Variants in CA10 observed in about 807,000 individuals in gnomAD.
CA10 encodes carbonic anhydrase-related protein 10.
Under a neutral mutation model 44.2 loss-of-function variants are expected in CA10, and 14 were observed. The ratio of observed to expected loss-of-function variants is 0.32; its 90% CI spans 0.21 to 0.50. The LOEUF is 0.50. Among genes scored for constraint, CA10 ranks in the 20% least tolerant of loss-of-function variants. The probability of loss-of-function intolerance (pLI) is 0.99; values close to 1 mark genes in which losing one functional copy is unlikely to be tolerated. For missense variants in CA10, 350 were observed against 409.7 expected (o/e 0.85, Z 1.26); for synonymous variants, 159 against 141.6 (o/e 1.12, Z -0.87).
intron 3 of CA10, among the ~76,000 whole-genome samples, chr17:51,829,539 G>A (rs1324181905): frequency 6.6e-6 from 1 of 152,156 alleles, no homozygotes; most frequent in East Asian, 1.9e-4. Context: ...AGGGACGTAT[G>A]CAATTGACAA....
At chr17:51,698,375 C>G (rs370052990) in intron 4 of CA10, among the ~76,000 whole-genome samples, 3 of 152,182 alleles carry the variant, frequency 2.0e-5, no homozygotes, top group African/African-American at 7.2e-5. Flanking sequence ...CAAAGAGATG[C>G]CATCGTGCCC....
At chr17:51,961,653 T>C (rs1032012373) in intron 2 of CA10, among the ~76,000 whole-genome samples, 2 of 152,054 alleles carry the variant, frequency 1.3e-5, no homozygotes, top group Admixed American at 1.3e-4. Context: ...AAAATGATAT[T>C]AAGAGAAAAT....
chr17:51,666,756 A>AT (rs1254008254), intron 4 of CA10, among the ~76,000 whole-genome samples: 3 of 152,218 alleles, frequency 2.0e-5, no homozygotes, highest in Non-Finnish European at 2.9e-5. Flanking sequence ...TTATTTAGTG[A>AT]TTTTTTAAAA....
At chr17:51,680,719 C>A (rs751073289) in intron 4 of CA10, among the ~76,000 whole-genome samples, 1 of 152,122 alleles carries the variant, frequency 6.6e-6, no homozygotes, top group Non-Finnish European at 1.5e-5. Flanking sequence ...GTCACATGTC[C>A]TCCCCTGAAT....
At chr17:52,064,566 CT>C (rs5820903) in intron 2 of CA10, among the ~76,000 whole-genome samples, 145,461 of 148,936 alleles carry the variant, frequency 0.98, 71,074 homozygotes, top group East Asian at 1. Context: ...AATCATGAGA[CT>C]TTTTTTTTTT....
intron 2 of CA10, among the ~76,000 whole-genome samples, chr17:51,945,508 C>G (rs1053292590): frequency 6.6e-6 from 1 of 152,264 alleles, no homozygotes; most frequent in East Asian, 1.9e-4. Flanking sequence ...GGCTGAGGCT[C>G]TTGCATTATG....
chr17:52,099,019 T>C (rs1988472999), intron 1 of CA10, among the ~76,000 whole-genome samples: 1 of 152,106 alleles, frequency 6.6e-6, no homozygotes, highest in Admixed American at 6.5e-5. Context: ...AAGAAGAATT[T>C]CATATGGTGG....
At chr17:51,932,290 T>A (rs1205628817) in intron 2 of CA10, among the ~76,000 whole-genome samples, 1 of 152,108 alleles carries the variant, frequency 6.6e-6, no homozygotes, top group Admixed American at 6.5e-5. Context: ...AATGGACCTG[T>A]CCTCTCAGAA....
intron 3 of CA10, among the ~76,000 whole-genome samples, chr17:51,903,818 A>G (rs111313905): frequency 6.6e-6 from 1 of 152,156 alleles, no homozygotes; most frequent in Non-Finnish European, 1.5e-5. Context: ...TTCTTAGAAC[A>G]CAAAGAAAGA....
chr17:51,668,202 G>A (rs1043013606), intron 4 of CA10, among the ~76,000 whole-genome samples: 1 of 152,164 alleles, frequency 6.6e-6, no homozygotes, highest in Admixed American at 6.5e-5. Flanking sequence ...GGGCGAGTGG[G>A]TACAGTGTGG....
chr17:52,034,722 TAA>T (rs1180349593), intron 2 of CA10, among the ~76,000 whole-genome samples: 1 of 152,150 alleles, frequency 6.6e-6, no homozygotes, highest in East Asian at 1.9e-4. Context: ...AAGATATGGC[TAA>T]TAACAGTGCT....
In CA10 at chr17:51,630,385, CAAGAA is replaced by C. The variant is rs994227103; in HGVS notation, c.*1194_*1198del. 3 of 152,566 alleles carry C rather than the reference CAAGAA, an allele frequency of 2.0e-5. No homozygotes were observed. The highest frequency in any genetic ancestry group is 2.0e-4 in the Admixed American group (3 of 15,272). 9.5% of individuals were successfully genotyped at this position (152,566 alleles called of 1,614,324 possible). On this transcript the variant is annotated 3_prime_UTR_variant, in exon 9 of 9. Coordinates refer to ENST00000451037, the MANE Select transcript of CA10 (RefSeq NM_020178.5). ...AAACACAGTGAGTGACCATTATAAA[CAAGAA>C]AAGAAAGGCATTCGTTTTGTACTTT...
chr17:52,091,977 G>C (rs1283248080), intron 1 of CA10, among the ~76,000 whole-genome samples: 1 of 152,128 alleles, frequency 6.6e-6, no homozygotes, highest in Non-Finnish European at 1.5e-5. Context: ...TCTTCACATA[G>C]GGCTTCTAAA....
At chr17:52,123,712 T>A (rs1989061088) in intron 1 of CA10, among the ~76,000 whole-genome samples, 1 of 152,220 alleles carries the variant, frequency 6.6e-6, no homozygotes, top group African/African-American at 2.4e-5. Flanking sequence ...CTCTCTGAGT[T>A]GCAGGAACCA....
intron 1 of CA10, among the ~76,000 whole-genome samples, chr17:52,156,900 T>C (rs1385753050): frequency 6.6e-6 from 1 of 152,124 alleles, no homozygotes; most frequent in Admixed American, 6.5e-5. Context: ...CCCTCCCAGC[T>C]TCCTCCCAAC....
chr17:51,893,873 T>A (rs988198099), intron 3 of CA10, among the ~76,000 whole-genome samples: 68 of 152,130 alleles, frequency 4.5e-4, no homozygotes, highest in Non-Finnish European at 1.3e-4. Context: ...CTCTATATAT[T>A]CACGTATACA....
intron 4 of CA10, among the ~76,000 whole-genome samples, chr17:51,701,138 G>C (rs1023012820): frequency 2.6e-5 from 4 of 151,934 alleles, no homozygotes; most frequent in Non-Finnish European, 5.9e-5. Flanking sequence ...GGCAGGGTTG[G>C]TTCCTTCTGG....
At chr17:51,879,832 G>A (rs1240837865) in intron 3 of CA10, among the ~76,000 whole-genome samples, 1 of 152,182 alleles carries the variant, frequency 6.6e-6, no homozygotes, top group Non-Finnish European at 1.5e-5. Flanking sequence ...AAAAGGAAGT[G>A]ACATGTGTCC....
chr17:51,724,999 T>TA (rs1916468643), intron 4 of CA10, among the ~76,000 whole-genome samples: 1 of 152,210 alleles, frequency 6.6e-6, no homozygotes, highest in Non-Finnish European at 1.5e-5. Flanking sequence ...ACAGTCACCA[T>TA]ATGCATTCCT....
Sources: allele counts gnomAD v4.1 joint callset (sites outside exome capture counted in the v4.1 genomes callset), GRCh38; gene constraint gnomAD v4.1.1; transcripts MANE v1.5; gene names NCBI Gene and HGNC (gene_info 2026-07-23, HGNC 2026-07-21).